LRRC8A: variants seen among roughly 807,000 people sequenced by gnomAD.
LRRC8A encodes the protein leucine rich repeat containing 8 VRAC subunit A.
Under a neutral mutation model 52.5 loss-of-function variants are expected in LRRC8A, and 24 were observed. The observed-to-expected ratio is 0.46, with a 90% CI of 0.33 to 0.64. LRRC8A has a LOEUF of 0.64. LRRC8A is among the 30% of genes least tolerant of loss of function. The pLI is 0.02. For missense variants in LRRC8A, 677 were observed against 1,094.7 expected, an observed-to-expected ratio of 0.62 and a Z score of 5.38; for synonymous variants, 492 against 494.2, an observed-to-expected ratio of 1.00 and a Z score of 0.06.
chr9:128,912,411 G>A (rs1439010880), intron 3 of LRRC8A, among the ~76,000 whole-genome samples: 1 of 151,946 alleles, frequency 6.6e-6, no homozygotes, highest in Admixed American at 6.6e-5. Context: ...CCAGGTGGAG[G>A]GGAAAGGGAC....
rs1039809292 is a variant in LRRC8A, at chr9:128,907,361, A to G, written c.197A>G (p.Asn66Ser). The change falls in exon 3 of 4, where the codon AAT (asparagine) becomes AGT (serine). Residue 66 changes from asparagine to serine, a missense_variant. Asn to Ser is a conservative substitution (Grantham distance 46). Coordinates refer to ENST00000372600, the MANE Select transcript of LRRC8A (RefSeq NM_019594.4). The surrounding 1 kb of genome is among the most constrained non-coding windows in gnomAD (Gnocchi z 9.3). ...PCKWVTKDSC[N>S]DSFRGWAAPG... Reference sequence around the variant, plus strand: ...AAGTGGGTCACCAAGGACTCCTGCAATGATTCGTTCCGGGGCTGGGCAGCC... The same window carrying G: ...AAGTGGGTCACCAAGGACTCCTGCAGTGATTCGTTCCGGGGCTGGGCAGCC... 4 of 1,613,756 alleles carry G rather than the reference A, an allele frequency of 2.5e-6. No homozygotes were observed. In the African/African-American group the frequency reaches 5.3e-5, roughly 22 times the overall value.
At chr9:128,903,750 G>A (rs893090856) in intron 2 of LRRC8A, among the ~76,000 whole-genome samples, 1 of 151,694 alleles carries the variant, frequency 6.6e-6, no homozygotes, top group African/African-American at 2.4e-5. Flanking sequence ...TACCTAGGCC[G>A]GGCACGGTGG....
At chr9:128,887,130 T>C (rs1409457008) in intron 2 of LRRC8A, among the ~76,000 whole-genome samples, 1 of 151,934 alleles carries the variant, frequency 6.6e-6, no homozygotes, top group African/African-American at 2.4e-5. Flanking sequence ...ATTACCAACA[T>C]AGTTGTATAT....
chr9:128,893,367 G>A (rs1324569058), intron 2 of LRRC8A, among the ~76,000 whole-genome samples: 1 of 152,166 alleles, frequency 6.6e-6, no homozygotes, highest in Non-Finnish European at 1.5e-5. Flanking sequence ...GAGTGTGCCC[G>A]GTGCTGTATT....
At chr9:128,884,931 A>C (rs892710698) in intron 1 of LRRC8A, 2 of 152,266 alleles carry the variant, frequency 1.3e-5, no homozygotes, top group Non-Finnish European at 2.9e-5. Context: ...CAGGGCCTGG[A>C]ACTTAGTCAA....
At chr9:128,913,435 C>T (rs753686762) in intron 3 of LRRC8A, among the ~76,000 whole-genome samples, 2 of 152,106 alleles carry the variant, frequency 1.3e-5, no homozygotes, top group African/African-American at 4.8e-5. Context: ...GATTGGGAAC[C>T]AACTTCAAGC....
chr9:128,910,440 C>A (rs1840462847), intron 3 of LRRC8A, among the ~76,000 whole-genome samples: 1 of 152,198 alleles, frequency 6.6e-6, no homozygotes, highest in South Asian at 2.1e-4. Flanking sequence ...AACCTGTAAT[C>A]CGAGCACTTA....
chr9:128,913,233 G>A (rs896212756), intron 3 of LRRC8A, among the ~76,000 whole-genome samples: 4 of 152,148 alleles, frequency 2.6e-5, no homozygotes, highest in Non-Finnish European at 5.9e-5. Flanking sequence ...GGGTCATGGA[G>A]GCAGAGTGAG....
rs1356244793 is a variant in LRRC8A, at chr9:128,909,218, G to A, written c.2054G>A (p.Arg685His). 4 of 1,613,964 alleles carry A rather than the reference G, an allele frequency of 2.5e-6. No homozygotes were observed. Among genetic ancestry groups the A allele is most frequent in the East Asian group, 2.2e-5 (1 of 44,898 alleles). Residue 685 changes from arginine to histidine, a missense_variant, in exon 3 of 4, where the codon CGC becomes CAC. By Grantham distance (29) the Arg-to-His change is conservative. Coordinates refer to ENST00000372600, the MANE Select transcript of LRRC8A (RefSeq NM_019594.4). ...ATCCCCACCCAGCTCTTCTACTGCC[G>A]CAAGCTGCGCTACCTGGACCTCAGC... is the stretch of plus-strand genomic sequence containing the variant. ...EKIPTQLFYC[R>H]KLRYLDLSHN...
At position 128,916,894 on chromosome 9, in the gene LRRC8A, C is replaced by T. The variant is rs888326814; in HGVS notation, c.*523C>T. 3.8e-5 allele frequency: 6 copies of T among 157,192 alleles called. No homozygotes were observed. The highest frequency in any genetic ancestry group is 3.9e-4 in the South Asian group (2 of 5,172). The allele number at this position is 157,192 out of a possible 1,614,324, so 9.7% of individuals were successfully genotyped here. ...TGGACTTCAGCAGAGTGGTCCGGGG[C>T]GAACCAGCCATGGGACGGTCACCCA... is the stretch of plus-strand genomic sequence containing the variant. On this transcript the variant is annotated 3_prime_UTR_variant, in exon 4 of 4. Coordinates refer to ENST00000372600, the MANE Select transcript of LRRC8A (RefSeq NM_019594.4). This position sits in a 1 kb window ranked among gnomAD's most constrained non-coding sequence, Gnocchi z 6.1.
intron 1 of LRRC8A, chr9:128,882,956 A>T (rs1839161689): frequency 2.5e-6 from 1 of 396,060 alleles, no homozygotes; most frequent in Admixed American, 4.4e-5. Context: ...GAAGGGGCAT[A>T]GCTGGGGTCA....
rs41275932 is a variant in LRRC8A at position 128,917,762 on chromosome 9, G to A, written c.*1391G>A. On this transcript the variant is annotated 3_prime_UTR_variant, in exon 4 of 4. Transcript: ENST00000372600. Reference sequence around the variant, plus strand: ...ACAGCCCAGTCGGCACCTGGTGGCTGGAAGCCACCCTGCTTTAGATCACTC... The same window carrying A: ...ACAGCCCAGTCGGCACCTGGTGGCTAGAAGCCACCCTGCTTTAGATCACTC... 1,023 of 152,816 alleles carry A rather than the reference G, an allele frequency of 6.7e-3. 5 individuals are homozygous for A. The highest frequency in any genetic ancestry group is 0.011 in the Admixed American group (161 of 15,302). The allele number at this position is 152,816 out of a possible 1,614,324, so 9.5% of individuals were successfully genotyped here.
At chr9:128,894,544 G>A (rs1035067360) in intron 2 of LRRC8A, among the ~76,000 whole-genome samples, 3 of 150,662 alleles carry the variant, frequency 2.0e-5, no homozygotes, top group Admixed American at 2.0e-4. Flanking sequence ...TGTAATCCCA[G>A]CACTTTGGGA....
In LRRC8A at chr9:128,908,027, A is replaced by T; in HGVS notation, c.863A>T (p.Asn288Ile). 1 of 1,614,090 alleles carries T rather than the reference A, an allele frequency of 6.2e-7. No individual in the cohort carries two copies. Among genetic ancestry groups the T allele is most frequent in the Non-Finnish European group, 8.5e-7 (1 of 1,180,026 alleles). Residue 288 changes from asparagine (N) to isoleucine (I), a missense_variant, in exon 3 of 4, where the codon AAC becomes ATC. Transcript: ENST00000372600. ...TGCTACACCGTCTACTACGTGCACA[A>T]CATCAAGTTCGACGTGGACTGCACC... ...IICYTVYYVH[N>I]IKFDVDCTVD...
At position 128,908,089 on chromosome 9, in the gene LRRC8A, C is replaced by T. The variant is rs761647938; in HGVS notation, c.925C>T (p.Arg309Cys). The T allele has an allele frequency of 3.7e-6, 6 of 1,614,002 alleles. No individual in the cohort carries two copies. Among genetic ancestry groups the T allele is most frequent in the East Asian group, 4.5e-5 (2 of 44,860 alleles). Residue 309 changes from arginine (R) to cysteine (C), a missense_variant, in exon 3 of 4, where the codon CGC becomes TGC. This residue lies in a region of LRRC8A where 422 missense variants were observed against 741.5 expected (regional missense o/e 0.57). Coordinates refer to ENST00000372600, the MANE Select transcript of LRRC8A (RefSeq NM_019594.4). ...IESLTGYRTY[R>C]CAHPLATLFK... is the part of the protein sequence containing the mutation. ...GAGCCTGACGGGCTACCGCACCTAC[C>T]GCTGTGCCCACCCCCTGGCCACACT...
intron 3 of LRRC8A, among the ~76,000 whole-genome samples, chr9:128,910,661 G>C (rs1490122079): frequency 6.6e-6 from 1 of 152,186 alleles, no homozygotes; most frequent in South Asian, 2.1e-4. Context: ...CTGTACTTCA[G>C]CCTGGGCAAT....
At chr9:128,910,584 T>G (rs912248255) in intron 3 of LRRC8A, among the ~76,000 whole-genome samples, 2 of 152,028 alleles carry the variant, frequency 1.3e-5, no homozygotes, top group Admixed American at 1.3e-4. Flanking sequence ...TCCCAGCTAT[T>G]TGGGAGGCTG....
chr9:128,914,281 G>A (rs1474450101), intron 3 of LRRC8A, among the ~76,000 whole-genome samples: 3 of 147,274 alleles, frequency 2.0e-5, no homozygotes, highest in African/African-American at 5.0e-5. Flanking sequence ...GGAAAGCCAC[G>A]TTGCTCCCCA....
Position 128,890,596 on chromosome 9 carries a change from C to A in LRRC8A, c.-9+4475C>A, listed in dbSNP as rs12000036. On this transcript the variant is annotated intron_variant, in intron 2 of 3. Transcript: ENST00000372600. ...CCAGCTGACTCCATGAGTCAGGATC[C>A]CTGGGGGTAGCCCCCTTCCATCCCA... Among the ~76,000 whole-genome samples the A allele has an allele frequency of 7.3e-3, 1,107 of 152,298 alleles. 7 individuals are homozygous for A. Among genetic ancestry groups the A allele is most frequent in the African/African-American group, 0.019 (781 of 41,578 alleles).
Sources: gnomAD v4.1 joint callset for allele counts (sites outside exome capture counted in the v4.1 genomes callset) on GRCh38, gnomAD v4.1.1 for gene constraint, gnomAD v4.1.1 regional missense constraint, Gnocchi (gnomAD v3.1) non-coding constraint, MANE v1.5 for transcripts, NCBI Gene and HGNC (gene_info 2026-07-23, HGNC 2026-07-21) for gene names.